Variants in AGBL3 observed in about 807,000 individuals in gnomAD.
The protein encoded by AGBL3 is AGBL carboxypeptidase 3, also known as cytosolic carboxypeptidase 3.
In AGBL3, 68 loss-of-function variants were observed where a neutral mutation model predicts 94.5. That is an observed-to-expected ratio of 0.72 (90% CI 0.59 to 0.88). The LOEUF (loss-of-function observed/expected upper bound fraction) is 0.88. AGBL3 is among the 40% of genes least tolerant of loss of function. The probability of loss-of-function intolerance (pLI) is 0.00; values close to 1 mark genes in which losing one functional copy is unlikely to be tolerated. For missense variants in AGBL3, 934 were observed against 1,103.8 expected (o/e 0.85, Z 2.18); for synonymous variants, 354 against 370.7 (o/e 0.95, Z 0.52).
At chr7:134,990,394 CTT>C (rs1489592818) in intron 3 of AGBL3, among the ~76,000 whole-genome samples, 4 of 152,176 alleles carry the variant, frequency 2.6e-5, no homozygotes, top group African/African-American at 9.7e-5. Flanking sequence ...GCATAATACT[CTT>C]GAGATTTATC....
intron 12 of AGBL3, among the ~76,000 whole-genome samples, chr7:135,064,798 T>C (rs1171486330): frequency 6.6e-6 from 1 of 152,224 alleles, no homozygotes; most frequent in Non-Finnish European, 1.5e-5. Context: ...ATTAGGACTC[T>C]CTCCATTGCA....
Position 135,045,575 on chromosome 7 carries a change from G to A in AGBL3, c.1728+1G>A. The A allele has an allele frequency of 6.5e-7, 1 of 1,549,514 alleles. No individual in the cohort carries two copies. On this transcript the variant is annotated splice_donor_variant, in intron 10 of 16. Transcript: ENST00000436302. LOFTEE classifies it high-confidence loss of function. ...TTATTGTGATCCCGACCGGACCAAGGTAAGCAAAGTCCATTTGGTAATGCA... is the reference window on the plus strand; with the variant it reads ...TTATTGTGATCCCGACCGGACCAAGATAAGCAAAGTCCATTTGGTAATGCA...
rs1347391859 is a variant in AGBL3, at chr7:134,989,321, A to AT, written c.124+13dup. 2 of 1,520,370 alleles carry AT rather than the reference A, an allele frequency of 1.3e-6. No homozygotes were observed. The highest frequency in any genetic ancestry group is 2.8e-5 in the African/African-American group (2 of 71,316). 94.2% of individuals were successfully genotyped at this position (1,520,370 alleles called of 1,614,324 possible). ...GTGCACTTTTAACAGGTTTGAACCT[A>AT]TTCATATAGTTTTTGTTTAGCATAA... On this transcript the variant is annotated intron_variant, in intron 3 of 16. Transcript: ENST00000436302.
intron 5 of AGBL3, among the ~76,000 whole-genome samples, chr7:135,028,791 C>A (rs759158634): frequency 6.6e-6 from 1 of 152,168 alleles, no homozygotes; most frequent in African/African-American, 2.4e-5. Context: ...ATTCTCTAGG[C>A]CAGCTATAGC....
intron 12 of AGBL3, among the ~76,000 whole-genome samples, chr7:135,061,692 A>G (rs1477060156): frequency 6.6e-6 from 1 of 151,994 alleles, no homozygotes; most frequent in East Asian, 1.9e-4. Flanking sequence ...AAGTCAATTG[A>G]CTATAAATGC....
intron 12 of AGBL3, among the ~76,000 whole-genome samples, chr7:135,073,071 A>T (rs1200249140): frequency 6.6e-6 from 1 of 152,136 alleles, no homozygotes; most frequent in African/African-American, 2.4e-5. Flanking sequence ...AGAAAGACAA[A>T]TATTACATGA....
intron 16 of AGBL3, among the ~76,000 whole-genome samples, chr7:135,125,915 A>G (rs1013358086): frequency 2.6e-5 from 4 of 152,218 alleles, no homozygotes; most frequent in Non-Finnish European, 4.4e-5. Context: ...AGAGCTATTT[A>G]TGACAATATA....
At position 134,986,524 on chromosome 7, in the gene AGBL3, A is replaced by G. The variant is rs767794732; in HGVS notation, c.-237A>G. 6.6e-6 allele frequency: 1 copy of G among 152,312 alleles called. No homozygotes were observed. Among genetic ancestry groups the G allele is most frequent in the Non-Finnish European group, 1.5e-5 (1 of 68,144 alleles). The allele number at this position is 152,312 out of a possible 1,614,324, so 9.4% of individuals were successfully genotyped here. A position where few individuals can be genotyped will look rare whatever the true frequency, so the allele number is the denominator to read the frequency against. The stretch of plus-strand genomic sequence containing the variant: ...GGCGGACCCGTTGCCTGATGACGAG[A>G]GTTGGGAGTGTGGCTGGGGCTGCGG... On this transcript the variant is annotated 5_prime_UTR_variant, in exon 1 of 17. Coordinates refer to ENST00000436302, the MANE Select transcript of AGBL3 (RefSeq NM_178563.4).
intron 2 of AGBL3, among the ~76,000 whole-genome samples, chr7:134,988,619 T>C (rs1344041770): frequency 1.3e-5 from 2 of 152,116 alleles, no homozygotes; most frequent in Admixed American, 6.5e-5. Context: ...TGTGTTTTTC[T>C]TTTTGTTAAT....
At chr7:135,093,828 A>G (rs1470005818) in intron 15 of AGBL3, 1 of 152,246 alleles carries the variant, frequency 6.6e-6, no homozygotes, top group Non-Finnish European at 1.5e-5. Context: ...ATGTTTAAGG[A>G]TTCCTGATTT....
intron 16 of AGBL3, among the ~76,000 whole-genome samples, chr7:135,122,742 A>T (rs1015019022): frequency 6.6e-6 from 1 of 152,126 alleles, no homozygotes; most frequent in Admixed American, 6.5e-5. Context: ...CCAGGAGTGA[A>T]CCAGATGACG....
At chr7:134,986,817 G>A (rs1809508396) in intron 1 of AGBL3, 116 bp downstream of exon 1, 1 of 152,300 alleles carries the variant, frequency 6.6e-6, no homozygotes. Context: ...CGGCCGCCCG[G>A]AGTTGTGGCC....
At chr7:135,000,312 T>C (rs1393756513) in intron 4 of AGBL3, among the ~76,000 whole-genome samples, 1 of 152,210 alleles carries the variant, frequency 6.6e-6, no homozygotes, top group Non-Finnish European at 1.5e-5. Context: ...GTTTCTGGAA[T>C]AGATTAGCAT....
Position 135,135,694 on chromosome 7 carries a change from GC to G in AGBL3, c.*434del, listed in dbSNP as rs1193325848. 9.1e-5 allele frequency: 14 copies of G among 153,754 alleles called. No homozygotes were observed. The highest frequency in any genetic ancestry group is 9.0e-4 in the Admixed American group (14 of 15,478). 9.5% of individuals were successfully genotyped at this position (153,754 alleles called of 1,614,324 possible). ...TGATTTTCTGTTATATCATTAGTGT[GC>G]TAGGAACCATTTCTCTCTACTAGGA... On this transcript the variant is annotated 3_prime_UTR_variant, in exon 17 of 17. Transcript: ENST00000436302.
chr7:135,060,758 C>T (rs1317535192), intron 12 of AGBL3, among the ~76,000 whole-genome samples: 1 of 152,110 alleles, frequency 6.6e-6, no homozygotes, highest in Non-Finnish European at 1.5e-5. Context: ...AATAGTATTT[C>T]ATCGTGCTAC....
Position 135,115,491 on chromosome 7 carries a change from T to C in AGBL3, c.2222T>C (p.Ile741Thr), listed in dbSNP as rs533800152. 66 of 1,551,378 alleles carry C rather than the reference T, an allele frequency of 4.3e-5. No homozygotes were observed. Among genetic ancestry groups the C allele is most frequent in the East Asian group, 2.7e-4 (11 of 40,890 alleles). The change falls in exon 16 of 17, where the codon ATA becomes ACA. Residue 741 changes from isoleucine to threonine, a missense_variant. This residue lies in a region of AGBL3 where 441 missense variants were observed against 518.2 expected (regional missense o/e 0.85). Transcript: ENST00000436302. Reference sequence around the variant, plus strand: ...AAAAGAAGCTACAAGGATAAAGGAATAGTTCAAACTCAAGAAATATTGCAG... The same window carrying C: ...AAAAGAAGCTACAAGGATAAAGGAACAGTTCAAACTCAAGAAATATTGCAG... ...DEKRSYKDKG[I>T]VQTQEILQYL... is the part of the protein sequence containing the mutation.
rs113285051 is a variant in AGBL3, at chr7:135,046,808, A to G, written c.1841+897A>G. 1.3e-3 allele frequency among the ~76,000 whole-genome samples: 204 copies of G among 152,222 alleles called. 4 individuals are homozygous for G. Among genetic ancestry groups the G allele is most frequent in the African/African-American group, 4.6e-3 (193 of 41,572 alleles). On this transcript the variant is annotated intron_variant, in intron 11 of 16. Coordinates refer to ENST00000436302, the MANE Select transcript of AGBL3 (RefSeq NM_178563.4). ...TCCATGTGCAGGTTTTTGTGTAGAC[A>G]TAAGTCTTTGACTTCTTTGAGTAGA...
chr7:134,994,418 C>A (rs893510617), intron 4 of AGBL3, among the ~76,000 whole-genome samples: 3 of 120,064 alleles, frequency 2.5e-5, no homozygotes, highest in Non-Finnish European at 5.2e-5. Flanking sequence ...TGTCCATTCC[C>A]AAATTCATTT....
At chr7:135,027,080 G>A (rs962719832) in intron 5 of AGBL3, among the ~76,000 whole-genome samples, 3 of 151,350 alleles carry the variant, frequency 2.0e-5, no homozygotes, top group East Asian at 2.0e-4. Flanking sequence ...ACAGAGCCTC[G>A]CTCTGTCACC....
Sources: gnomAD v4.1 joint callset for allele counts (sites outside exome capture counted in the v4.1 genomes callset) on GRCh38, gnomAD v4.1.1 for gene constraint, gnomAD v4.1.1 regional missense constraint, MANE v1.5 for transcripts, NCBI Gene and HGNC (gene_info 2026-07-23, HGNC 2026-07-21) for gene names.